Variants in ATP8A2 observed in about 807,000 individuals in gnomAD.
ATP8A2 encodes phospholipid-transporting ATPase IB.
In ATP8A2, 100 loss-of-function variants were observed where a neutral mutation model predicts 165.6. That is an observed-to-expected ratio of 0.60 (90% confidence interval 0.51 to 0.71). ATP8A2 has a LOEUF of 0.71. Among genes scored for constraint, ATP8A2 ranks in the 30% least tolerant of loss-of-function variants. The pLI is 0.00. For missense variants in ATP8A2, 1,227 were observed against 1,479.5 expected (o/e 0.83, Z 2.80); for synonymous variants, 543 against 548.8 (o/e 0.99, Z 0.15).
intron 30 of ATP8A2, among the ~76,000 whole-genome samples, chr13:25,857,340 G>A (rs1271354450): frequency 6.6e-6 from 1 of 152,002 alleles, no homozygotes; most frequent in Non-Finnish European, 1.5e-5. Flanking sequence ...ATCTAAAATA[G>A]CCATGCTATT....
At chr13:25,774,674 A>T (rs560111195) in intron 26 of ATP8A2, among the ~76,000 whole-genome samples, 175 bp from the exon 27 acceptor site, 2 of 152,330 alleles carry the variant, frequency 1.3e-5, no homozygotes, top group Admixed American at 1.3e-4. Context: ...GAAGGATTTT[A>T]CTTGTTCTCA....
At chr13:25,811,460 A>T (rs1438709621) in intron 27 of ATP8A2, among the ~76,000 whole-genome samples, 2 of 152,218 alleles carry the variant, frequency 1.3e-5, no homozygotes, top group African/African-American at 4.8e-5. Context: ...GTATGTATAT[A>T]CAGTGTATGG....
At chr13:25,514,027 G>A (rs1178068482) in intron 2 of ATP8A2, among the ~76,000 whole-genome samples, 2 of 150,272 alleles carry the variant, frequency 1.3e-5, no homozygotes, top group African/African-American at 4.9e-5. Flanking sequence ...AGAGGGAGAG[G>A]GACTCTTAAT....
At chr13:25,972,582 T>C (rs1047085444) in intron 35 of ATP8A2, among the ~76,000 whole-genome samples, 3 of 152,220 alleles carry the variant, frequency 2.0e-5, no homozygotes, top group African/African-American at 7.2e-5. Context: ...TTTCCCAAAC[T>C]GTCTTCCCAG....
intron 25 of ATP8A2, among the ~76,000 whole-genome samples, chr13:25,736,068 A>G (rs777532685): frequency 6.6e-6 from 1 of 152,254 alleles, no homozygotes; most frequent in Non-Finnish European, 1.5e-5. Flanking sequence ...TGCCTACCAT[A>G]TTCAGTACAG....
chr13:25,953,073 T>C lies in ATP8A2; in HGVS notation c.3184-8502T>C, dbSNP rs1372380007. 2.0e-5 allele frequency among the ~76,000 whole-genome samples: 3 copies of C among 152,084 alleles called. No individual in the cohort carries two copies. Among genetic ancestry groups the C allele is most frequent in the Non-Finnish European group, 2.9e-5 (2 of 68,000 alleles). ...AAGGTGGCAATGGCAACTGCAAGGG[T>C]TCTTCCAAATCCGATTGTCCTGACA... On this transcript the variant is annotated intron_variant, in intron 33 of 36. Transcript: ENST00000381655. The surrounding 1 kb of genome is among the most constrained non-coding windows in gnomAD (Gnocchi z 6.7).
intron 28 of ATP8A2, among the ~76,000 whole-genome samples, chr13:25,834,866 G>T (rs997648507): frequency 3.3e-5 from 5 of 152,132 alleles, no homozygotes; most frequent in Non-Finnish European, 2.9e-5. Context: ...GGGTCTTGGT[G>T]TGTTGCACAA....
intron 34 of ATP8A2, 96 bp from the exon 35 acceptor site, chr13:25,968,479 G>A: frequency 9.5e-7 from 1 of 1,051,794 alleles, no homozygotes; most frequent in African/African-American, 1.6e-5. Flanking sequence ...TCCACCAAAG[G>A]GCATTTGGCT....
intron 33 of ATP8A2, among the ~76,000 whole-genome samples, chr13:25,882,147 C>A (rs983835952): frequency 6.6e-6 from 1 of 152,096 alleles, no homozygotes. Flanking sequence ...GGCCATTGGA[C>A]GTAAAAACCT....
At chr13:25,761,787 G>A (rs2044384311) in intron 25 of ATP8A2, among the ~76,000 whole-genome samples, 1 of 151,834 alleles carries the variant, frequency 6.6e-6, no homozygotes, top group Non-Finnish European at 1.5e-5. Flanking sequence ...TTGGTAAGCT[G>A]GTATTTATTA....
rs1957096269 is a variant in ATP8A2, at chr13:26,022,523, C to T, written c.*2538C>T. ...TATTTGCAGTGATGACAGACGCACA[C>T]AGAAGAAAACATTAGAAGAGATGCC... On this transcript the variant is annotated 3_prime_UTR_variant, in exon 37 of 37. Coordinates refer to ENST00000381655, the MANE Select transcript of ATP8A2 (RefSeq NM_016529.6). 6.6e-6 allele frequency: 1 copy of T among 152,194 alleles called. No individual in the cohort carries two copies. Among genetic ancestry groups the T allele is most frequent in the South Asian group, 2.1e-4 (1 of 4,820 alleles). 9.4% of individuals were successfully genotyped at this position (152,194 alleles called of 1,614,324 possible). A position where few individuals can be genotyped will look rare whatever the true frequency, so the allele number is the denominator to read the frequency against.
At chr13:25,814,023 C>T (rs1950945417) in intron 27 of ATP8A2, among the ~76,000 whole-genome samples, 1 of 152,010 alleles carries the variant, frequency 6.6e-6, no homozygotes, top group Admixed American at 6.5e-5. Flanking sequence ...CTCTGCAGAT[C>T]TTGGGACCTG....
chr13:25,578,984 C>G, intron 21 of ATP8A2, 85 bp downstream of exon 21: 2 of 894,436 alleles, frequency 2.2e-6, no homozygotes. Context: ...GCACATTCTT[C>G]CAGTGCCTGC....
intron 1 of ATP8A2, among the ~76,000 whole-genome samples, chr13:25,442,256 A>G (rs571403210): frequency 6.6e-6 from 1 of 152,324 alleles, no homozygotes; most frequent in East Asian, 1.9e-4. Context: ...GGGTACATAT[A>G]TACTCAGAAG....
At chr13:25,727,125 C>T (rs908338380) in intron 25 of ATP8A2, among the ~76,000 whole-genome samples, 2 of 152,142 alleles carry the variant, frequency 1.3e-5, no homozygotes, top group Admixed American at 1.3e-4. Flanking sequence ...TGGCACATCT[C>T]AGGGTGTGTT....
Position 25,853,652 on chromosome 13 carries a change from A to T in ATP8A2, c.2957-6543A>T, listed in dbSNP as rs145078648. ...TGCCTGCTAACCCTTTTGTCTGATC[A>T]GAGTTTTCTCTAGGGCCCCTTAGGG... On this transcript the variant is annotated intron_variant, in intron 30 of 36. Transcript: ENST00000381655. Among the ~76,000 whole-genome samples, 347 of 152,266 alleles carry T rather than the reference A, an allele frequency of 2.3e-3. 3 individuals are homozygous for T. The highest frequency in any genetic ancestry group is 7.1e-3 in the African/African-American group (294 of 41,544).
intron 2 of ATP8A2, among the ~76,000 whole-genome samples, chr13:25,519,518 T>C (rs1026070204): frequency 6.6e-6 from 1 of 152,244 alleles, no homozygotes; most frequent in East Asian, 1.9e-4. Flanking sequence ...CTATTGCACA[T>C]GATGGATGGA....
rs557035557 is a variant in ATP8A2 at position 25,545,093 on chromosome 13, G to A, written c.891+1691G>A. 4.4e-4 allele frequency among the ~76,000 whole-genome samples: 67 copies of A among 152,060 alleles called. 2 individuals are homozygous for A. The South Asian group carries it at 7.9e-3, about 18-fold the overall frequency. On this transcript the variant is annotated intron_variant, in intron 10 of 36. Transcript: ENST00000381655. Reference sequence around the variant, plus strand: ...TCCTTGACTTGTGAGGCAAGGAGGAGAGAGCTCTTGAGGGAGTGGGAGTAC... The same window carrying A: ...TCCTTGACTTGTGAGGCAAGGAGGAAAGAGCTCTTGAGGGAGTGGGAGTAC...
At position 25,390,191 on chromosome 13, in the gene ATP8A2, A is replaced by G. The variant is rs190840255; in HGVS notation, c.76+17903A>G. On this transcript the variant is annotated intron_variant, in intron 1 of 36. Transcript: ENST00000381655. Reference sequence around the variant, plus strand: ...GTATTTTTAGTACAGATGAGGTTTCACCATCTTGGCCAGGCTGGTCTTGAA... The same window carrying G: ...GTATTTTTAGTACAGATGAGGTTTCGCCATCTTGGCCAGGCTGGTCTTGAA... Among the ~76,000 whole-genome samples the G allele has an allele frequency of 4.4e-3, 664 of 152,182 alleles. 16 individuals are homozygous for G. The highest frequency in any genetic ancestry group is 0.038 in the Admixed American group (581 of 15,294).
Sources: gnomAD v4.1 joint callset for allele counts (sites outside exome capture counted in the v4.1 genomes callset) on GRCh38, gnomAD v4.1.1 for gene constraint, Gnocchi (gnomAD v3.1) non-coding constraint, MANE v1.5 for transcripts, NCBI Gene and HGNC (gene_info 2026-07-23, HGNC 2026-07-21) for gene names.